The following GALNTL6 variants were observed in gnomAD, a reference collection of about 807,000 sequenced individuals.
The protein encoded by GALNTL6 is polypeptide N-acetylgalactosaminyltransferase-like 6.
GALNTL6 carries 46 observed loss-of-function variants against 73.7 expected under a neutral mutation model. The observed-to-expected ratio is 0.62, with a 90% CI of 0.49 to 0.80. The LOEUF is 0.80. Among genes scored for constraint, GALNTL6 ranks in the 30% least tolerant of loss-of-function variants. The pLI, the probability that GALNTL6 is intolerant of heterozygous loss-of-function variation, is 0.00. For missense variants in GALNTL6, 604 were observed against 755.0 expected (o/e 0.80, Z 2.34); for synonymous variants, 259 against 263.7 (o/e 0.98, Z 0.17).
chr4:172,552,629 G>A (rs913278219), intron 5 of GALNTL6, among the ~76,000 whole-genome samples: 10 of 151,616 alleles, frequency 6.6e-5, no homozygotes, highest in African/African-American at 1.7e-4. Context: ...ATGTCTACCC[G>A]CTCTATATAC....
chr4:171,921,490 C>T (rs750431066), intron 2 of GALNTL6, among the ~76,000 whole-genome samples: 4 of 152,024 alleles, frequency 2.6e-5, no homozygotes, highest in Non-Finnish European at 5.9e-5. Flanking sequence ...CACAGGTATA[C>T]TTGGCTTATA....
intron 5 of GALNTL6, among the ~76,000 whole-genome samples, chr4:172,754,152 C>T (rs1364411328): frequency 2.0e-5 from 3 of 151,926 alleles, no homozygotes; most frequent in African/African-American, 7.3e-5. Context: ...ATCACTCAAA[C>T]TCCTTCCATA....
chr4:172,550,488 T>G (rs1437161886), intron 5 of GALNTL6, among the ~76,000 whole-genome samples: 1 of 152,214 alleles, frequency 6.6e-6, no homozygotes, highest in African/African-American at 2.4e-5. Context: ...CAGTGCCTGG[T>G]TATGTTGCTT....
intron 2 of GALNTL6, among the ~76,000 whole-genome samples, chr4:172,205,518 T>A (rs1209786220): frequency 6.6e-6 from 1 of 152,176 alleles, no homozygotes; most frequent in Non-Finnish European, 1.5e-5. Flanking sequence ...TAATCTACAG[T>A]ATTATTAGAT....
intron 2 of GALNTL6, among the ~76,000 whole-genome samples, chr4:171,899,405 A>C (rs547931051): frequency 7.2e-5 from 11 of 152,262 alleles, no homozygotes; most frequent in African/African-American, 1.2e-4. Context: ...TTATCAAATC[A>C]GCTCTGAGTC....
intron 2 of GALNTL6, among the ~76,000 whole-genome samples, chr4:172,103,781 T>A (rs923016685): frequency 1.3e-5 from 2 of 152,180 alleles, no homozygotes; most frequent in African/African-American, 4.8e-5. Context: ...GTTACGGTGA[T>A]CTGACCTGGA....
chr4:172,854,565 T>A (rs1744025179), intron 7 of GALNTL6, among the ~76,000 whole-genome samples: 1 of 152,108 alleles, frequency 6.6e-6, no homozygotes, highest in African/African-American at 2.4e-5. Context: ...CCTATACTCA[T>A]CCTATCAGAA....
chr4:172,282,894 C>T (rs887247867), intron 3 of GALNTL6, among the ~76,000 whole-genome samples: 6 of 152,116 alleles, frequency 3.9e-5, no homozygotes, highest in African/African-American at 1.4e-4. Flanking sequence ...TCTGGCTGAG[C>T]GATTTGGTGC....
chr4:172,910,790 C>A (rs1390566274), intron 8 of GALNTL6, among the ~76,000 whole-genome samples: 1 of 152,230 alleles, frequency 6.6e-6, no homozygotes, highest in Non-Finnish European at 1.5e-5. Flanking sequence ...GGCATCCCTT[C>A]CACAGGTGTG....
At chr4:172,916,396 G>A (rs1747512630) in intron 8 of GALNTL6, among the ~76,000 whole-genome samples, 1 of 152,192 alleles carries the variant, frequency 6.6e-6, no homozygotes, top group Non-Finnish European at 1.5e-5. Context: ...TTTCTGGCCA[G>A]GGCAATCAGA....
intron 3 of GALNTL6, among the ~76,000 whole-genome samples, chr4:172,261,373 A>G (rs1460709532): frequency 6.6e-6 from 1 of 151,004 alleles, no homozygotes; most frequent in Non-Finnish European, 1.5e-5. Context: ...TCTCCTCTAG[A>G]TTTTCTAGTT....
intron 3 of GALNTL6, among the ~76,000 whole-genome samples, chr4:172,284,407 A>G (rs1739177119): frequency 6.7e-6 from 1 of 149,872 alleles, no homozygotes; most frequent in African/African-American, 2.5e-5. Context: ...CCCCACACAC[A>G]CCATGTGCAC....
chr4:172,106,998 C>A (rs1156617531), intron 2 of GALNTL6, among the ~76,000 whole-genome samples: 1 of 152,172 alleles, frequency 6.6e-6, no homozygotes, highest in African/African-American at 2.4e-5. Context: ...CTCAGCCTCC[C>A]TAGTAGCTGG....
chr4:172,152,414 C>T (rs1734118635), intron 2 of GALNTL6, among the ~76,000 whole-genome samples: 1 of 152,186 alleles, frequency 6.6e-6, no homozygotes, highest in South Asian at 2.1e-4. Context: ...GTAGACTGAG[C>T]TTTCTCCAGG....
intron 2 of GALNTL6, among the ~76,000 whole-genome samples, chr4:171,930,937 T>A (rs889352251): frequency 6.6e-6 from 1 of 152,178 alleles, no homozygotes; most frequent in Non-Finnish European, 1.5e-5. Flanking sequence ...AGCAATTAGG[T>A]AAGAGAAGGA....
intron 12 of GALNTL6, among the ~76,000 whole-genome samples, chr4:173,030,691 C>T (rs1369697282): frequency 6.6e-6 from 1 of 152,048 alleles, no homozygotes; most frequent in East Asian, 1.9e-4. Context: ...GACTCTGTGC[C>T]CGGTCTGTGT....
chr4:172,670,770 T>G (rs1731931083), intron 5 of GALNTL6, among the ~76,000 whole-genome samples: 1 of 152,216 alleles, frequency 6.6e-6, no homozygotes, highest in African/African-American at 2.4e-5. Context: ...TTTCCAGGGT[T>G]TTTATAGTTT....
chr4:171,862,981 G>T (rs1190067310), intron 2 of GALNTL6, among the ~76,000 whole-genome samples: 2 of 152,138 alleles, frequency 1.3e-5, no homozygotes, highest in Admixed American at 6.5e-5. Flanking sequence ...TGACAATAGA[G>T]ATATGGAGTA....
At chr4:172,318,479 G>T (rs1393632804) in intron 4 of GALNTL6, among the ~76,000 whole-genome samples, 1 of 152,086 alleles carries the variant, frequency 6.6e-6, no homozygotes, top group East Asian at 1.9e-4. Flanking sequence ...GAGGCAGGTG[G>T]ATCATGAGGT....
Sources: allele counts gnomAD v4.1 joint callset (sites outside exome capture counted in the v4.1 genomes callset), GRCh38; gene constraint gnomAD v4.1.1; transcripts MANE v1.5; gene names NCBI Gene and HGNC (gene_info 2026-07-23, HGNC 2026-07-21).